CREBRF: variants seen among roughly 807,000 people sequenced by gnomAD.
CREBRF encodes the protein CREB3 regulatory factor, also known as UPF0474 protein C5orf41.
CREBRF carries 5 observed loss-of-function variants against 66.1 expected under a neutral mutation model. The observed-to-expected ratio is 0.08, with a 90% CI of 0.04 to 0.16. CREBRF has a LOEUF of 0.16. Among genes scored for constraint, CREBRF ranks in the 10% least tolerant of loss-of-function variants. The pLI is 1.00. For missense variants in CREBRF, 531 were observed against 744.9 expected, an observed-to-expected ratio of 0.71 and a Z score of 3.34; for synonymous variants, 229 against 264.4, an observed-to-expected ratio of 0.87 and a Z score of 1.30.
At chr5:173,120,141 T>C (rs977771261) in intron 7 of CREBRF, among the ~76,000 whole-genome samples, 1 of 152,148 alleles carries the variant, frequency 6.6e-6, no homozygotes, top group Non-Finnish European at 1.5e-5. Flanking sequence ...TAAAAGGTTT[T>C]AGTACCAGGG....
chr5:173,101,825 A>C (rs2113758704), intron 4 of CREBRF, among the ~76,000 whole-genome samples: 1 of 152,312 alleles, frequency 6.6e-6, no homozygotes, highest in East Asian at 1.9e-4. Flanking sequence ...CTGGGATTAC[A>C]GGTGTGAGCC....
At chr5:173,060,256 A>T (rs1419379737) in intron 1 of CREBRF, 1 of 145,024 alleles carries the variant, frequency 6.9e-6, no homozygotes, top group Non-Finnish European at 1.5e-5. Flanking sequence ...TTTGAGACGG[A>T]GTCTAACTGC....
At chr5:173,073,979 A>AT (rs1561794694) in intron 1 of CREBRF, among the ~76,000 whole-genome samples, 3 of 100,050 alleles carry the variant, frequency 3.0e-5, no homozygotes, top group African/African-American at 1.1e-4. Flanking sequence ...AATAAAAAAT[A>AT]AAAATAAATA....
intron 1 of CREBRF, among the ~76,000 whole-genome samples, chr5:173,061,294 T>C (rs529545456): frequency 5.9e-5 from 9 of 152,330 alleles, no homozygotes; most frequent in Admixed American, 1.3e-4. Context: ...TACTTAGATG[T>C]TAAGGTATTT....
chr5:173,104,177 G>A (rs1235650362), intron 4 of CREBRF, among the ~76,000 whole-genome samples: 1 of 152,150 alleles, frequency 6.6e-6, no homozygotes, highest in Non-Finnish European at 1.5e-5. Context: ...ACATGTCTGT[G>A]TACTGTGATT....
chr5:173,122,841 A>G (rs1220752223), intron 7 of CREBRF, among the ~76,000 whole-genome samples: 1 of 138,356 alleles, frequency 7.2e-6, no homozygotes, highest in Non-Finnish European at 1.5e-5. Flanking sequence ...GAGTGAGAAC[A>G]TGCGGTGTTT....
intron 1 of CREBRF, among the ~76,000 whole-genome samples, chr5:173,061,113 G>A (rs1228570923): frequency 3.3e-5 from 5 of 151,928 alleles, no homozygotes; most frequent in Non-Finnish European, 5.9e-5. Context: ...GATTACAGGC[G>A]CCTGCCACCG....
At chr5:173,110,773 T>A (rs1433930864) in intron 6 of CREBRF, 62 bp downstream of exon 6, 1 of 1,205,962 alleles carries the variant, frequency 8.3e-7, no homozygotes, top group East Asian at 2.4e-5. Context: ...AGTCCCTAAG[T>A]GAGTTTTTAT....
chr5:173,064,597 G>A (rs543362730), intron 1 of CREBRF, among the ~76,000 whole-genome samples: 5 of 136,412 alleles, frequency 3.7e-5, no homozygotes, highest in Admixed American at 8.5e-5. Flanking sequence ...ACAGAGTCTC[G>A]CTCTGTCGCC....
At chr5:173,070,097 T>G (rs1757554720) in intron 1 of CREBRF, among the ~76,000 whole-genome samples, 1 of 152,110 alleles carries the variant, frequency 6.6e-6, no homozygotes, top group South Asian at 2.1e-4. Context: ...TTCGCCATGT[T>G]GGCCAGGCTG....
rs771349322 is a variant in CREBRF at position 173,091,152 on chromosome 5, G to C, written c.973G>C (p.Val325Leu). Residue 325 changes from valine to leucine, a missense_variant, in exon 4 of 9, where the codon GTC becomes CTC. Around this residue, in one of 5 missense-constraint regions of CREBRF, gnomAD observed 309 missense variants for 341.4 expected, o/e 0.90. Transcript: ENST00000296953. Reference protein sequence around the residue: ...ESSSLSASTSVSDSSQKKEEH... With the variant: ...ESSSLSASTSLSDSSQKKEEH... The stretch of plus-strand genomic sequence containing the variant: ...CAGCAGTCTTTCTGCCAGTACATCA[G>C]TCTCAGATTCATCCCAGAAAAAAGA... 2 of 1,614,216 alleles carry C rather than the reference G, an allele frequency of 1.2e-6. No individual in the cohort carries two copies. The highest frequency in any genetic ancestry group is 2.2e-5 in the East Asian group (1 of 44,892).
intron 1 of CREBRF, among the ~76,000 whole-genome samples, chr5:173,073,475 A>G (rs1757654971): frequency 6.6e-6 from 1 of 152,230 alleles, no homozygotes. Context: ...CCCAGTGGTA[A>G]TCAAAGTTGG....
rs781347851 is a variant in CREBRF, at chr5:173,110,433, G to T, written c.1418-89G>T. 3 of 882,900 alleles carry T rather than the reference G, an allele frequency of 3.4e-6. No homozygotes were observed. In the Middle Eastern group the frequency reaches 7.2e-4, roughly 211 times the overall value. The allele number at this position is 882,900 out of a possible 1,614,324, so 54.7% of individuals were successfully genotyped here. A position where few individuals can be genotyped will look rare whatever the true frequency, so the allele number is the denominator to read the frequency against. On this transcript the variant is annotated intron_variant, in intron 5 of 8. Transcript: ENST00000296953. ...AGACTTCTGAAAAGAAAAGGTAGTGGTGGGAAGTGGTTAAAAATGTGGCCG... is the reference window on the plus strand; with the variant it reads ...AGACTTCTGAAAAGAAAAGGTAGTGTTGGGAAGTGGTTAAAAATGTGGCCG...
At position 173,056,558 on chromosome 5, in the gene CREBRF, T is replaced by C. The variant is rs568171829; in HGVS notation, c.-192+79T>C. On this transcript the variant is annotated intron_variant, in intron 1 of 8. Coordinates refer to ENST00000296953, the MANE Select transcript of CREBRF (RefSeq NM_153607.3). ...AGCGGAACGGGGGGCGGAGGGCCGC[T>C]TGCCTAGGAGGCAGCAGCGCTGGGG... 1.0e-5 allele frequency: 4 copies of C among 395,984 alleles called. No individual in the cohort carries two copies. In the South Asian group the frequency reaches 5.1e-4, roughly 51 times the overall value. The allele number at this position is 395,984 out of a possible 1,614,324, so 24.5% of individuals were successfully genotyped here.
intron 7 of CREBRF, among the ~76,000 whole-genome samples, chr5:173,116,399 A>G (rs75114126): frequency 3.5e-4 from 53 of 152,256 alleles, no homozygotes; most frequent in African/African-American, 1.2e-3. Flanking sequence ...CTCCACTCCT[A>G]TCCCTGGATA....
At position 173,136,821 on chromosome 5, in the gene CREBRF, G is replaced by C. The variant is rs1430417075; in HGVS notation, c.*3076G>C. The C allele has an allele frequency of 6.6e-6, 1 of 152,370 alleles. No homozygotes were observed. The highest frequency in any genetic ancestry group is 1.5e-5 in the Non-Finnish European group (1 of 67,908). 9.4% of individuals were successfully genotyped at this position (152,370 alleles called of 1,614,324 possible). A position where few individuals can be genotyped will look rare whatever the true frequency, so the allele number is the denominator to read the frequency against. On this transcript the variant is annotated 3_prime_UTR_variant, in exon 9 of 9. Transcript: ENST00000296953. ...GAGAAGAGTTCTCTAAAGGTTTTCTGTGTTCATACATGGTATACAGATAGC... is the reference window on the plus strand; with the variant it reads ...GAGAAGAGTTCTCTAAAGGTTTTCTCTGTTCATACATGGTATACAGATAGC...
intron 2 of CREBRF, chr5:173,086,013 A>G: frequency 2.9e-6 from 4 of 1,364,692 alleles, no homozygotes; most frequent in Non-Finnish European, 4.2e-6. Flanking sequence ...CTCAGCGGTC[A>G]TAATCTGTCA....
Position 173,089,221 on chromosome 5 carries a change from A to C in CREBRF, c.136-1094A>C, listed in dbSNP as rs568741507. ...AAAAAAACCCATACACAGACAACAC[A>C]CACACACACACACACACCCCAAAAA... On this transcript the variant is annotated intron_variant, in intron 3 of 8. Coordinates refer to ENST00000296953, the MANE Select transcript of CREBRF (RefSeq NM_153607.3). 9.3e-5 allele frequency among the ~76,000 whole-genome samples: 14 copies of C among 150,094 alleles called. No individual in the cohort carries two copies. The South Asian group carries it at 2.9e-3, about 31-fold the overall frequency.
intron 4 of CREBRF, among the ~76,000 whole-genome samples, chr5:173,099,892 C>CTTT (rs530015508): frequency 2.2e-5 from 3 of 135,868 alleles, no homozygotes; most frequent in African/African-American, 5.4e-5. Flanking sequence ...TTATATATAG[C>CTTT]TTTTTTTTTT....
Sources: allele counts gnomAD v4.1 joint callset (sites outside exome capture counted in the v4.1 genomes callset), GRCh38; gene constraint gnomAD v4.1.1; regional missense constraint gnomAD v4.1.1; transcripts MANE v1.5; gene names NCBI Gene and HGNC (gene_info 2026-07-23, HGNC 2026-07-21).